The following UBR4 variants were observed in gnomAD, a reference collection of about 807,000 sequenced individuals.
UBR4 encodes the protein ubiquitin protein ligase E3 component n-recognin 4.
Under a neutral mutation model 575.6 loss-of-function variants are expected in UBR4, and 124 were observed. The ratio of observed to expected loss-of-function variants is 0.22; its 90% confidence interval spans 0.19 to 0.25. UBR4 has a LOEUF of 0.25. UBR4 is among the 10% of genes least tolerant of loss of function. The pLI is 1.00. For missense variants in UBR4, 4,818 were observed against 6,478.8 expected, an observed-to-expected ratio of 0.74 and a Z score of 8.80; for synonymous variants, 2,455 against 2,473.7, an observed-to-expected ratio of 0.99 and a Z score of 0.22.
In UBR4 at chr1:19,188,793, T is replaced by C. The variant is rs572629298; in HGVS notation, c.1395-1253A>G. On this transcript the variant is annotated intron_variant, in intron 11 of 105. Transcript: ENST00000375254. ...GACCAGCCTGGTCAACACAGCAAGA[T>C]CCCATCTCTGCAAAAAATTTTAAAA... Among the ~76,000 whole-genome samples the C allele has an allele frequency of 2.6e-5, 4 of 151,946 alleles. No individual in the cohort carries two copies. The South Asian group carries it at 8.3e-4, about 32-fold the overall frequency.
intron 8 of UBR4, among the ~76,000 whole-genome samples, chr1:19,194,130 A>G (rs2092302960): frequency 6.6e-6 from 1 of 152,198 alleles, no homozygotes; most frequent in Admixed American, 6.5e-5. Context: ...GACACTATAC[A>G]TTTGTCAAAA....
At chr1:19,181,224 T>TGGAAGGAA (rs1018934334) in intron 17 of UBR4, among the ~76,000 whole-genome samples, 1 of 151,042 alleles carries the variant, frequency 6.6e-6, no homozygotes. Context: ...GACGGACGGA[T>TGGAAGGAA]GGAAGGAAGG....
Position 19,128,454 on chromosome 1 carries a change from A to AATTC in UBR4, c.9004-140_9004-137dup, listed in dbSNP as rs2082058959. On this transcript the variant is annotated intron_variant, in intron 61 of 105. Coordinates refer to ENST00000375254, the MANE Select transcript of UBR4 (RefSeq NM_020765.3). ...AACTGTAATCCATTATAGCGTTCTA[A>AATTC]ATTCCAGGTATCCAAAGCTTCAGTG... 4 of 729,604 alleles carry AATTC rather than the reference A, an allele frequency of 5.5e-6. No homozygotes were observed. In the Admixed American group the frequency reaches 8.4e-5, roughly 15 times the overall value. The allele number at this position is 729,604 out of a possible 1,614,324, so 45.2% of individuals were successfully genotyped here.
In UBR4 at chr1:19,104,313, T is replaced by C; in HGVS notation, c.12728-56A>G. On this transcript the variant is annotated intron_variant, in intron 86 of 105. Transcript: ENST00000375254. Reference sequence around the variant, plus strand: ...GCTCTGGATGAAAACATAAGGACAGTCTGTGTCTCAAAAGATTATGAGCAA... The same window carrying C: ...GCTCTGGATGAAAACATAAGGACAGCCTGTGTCTCAAAAGATTATGAGCAA... The C allele has an allele frequency of 3.1e-6, 5 of 1,587,828 alleles. No homozygotes were observed. In the Admixed American group the frequency reaches 8.7e-5, roughly 27 times the overall value.
At chr1:19,160,406 A>G in intron 38 of UBR4, 125 bp from the exon 39 acceptor site, 1 of 918,234 alleles carries the variant, frequency 1.1e-6, no homozygotes, top group Non-Finnish European at 1.6e-6. Flanking sequence ...CCAGTTGGAT[A>G]TTCTAGCCAT....
chr1:19,104,005 TG>T, intron 87 of UBR4, 78 bp downstream of exon 87: 1 of 1,522,464 alleles, frequency 6.6e-7, no homozygotes, highest in Non-Finnish European at 8.9e-7. Context: ...TCTGTGGAAC[TG>T]GGGGAAATTG....
chr1:19,125,154 TG>T (rs1330233235), intron 64 of UBR4, among the ~76,000 whole-genome samples: 2 of 152,234 alleles, frequency 1.3e-5, no homozygotes, highest in Non-Finnish European at 2.9e-5. Flanking sequence ...CCAAGATTCC[TG>T]GCTTCATGTA....
At chr1:19,209,568 T>C (rs2093202504) in intron 1 of UBR4, among the ~76,000 whole-genome samples, 1 of 152,190 alleles carries the variant, frequency 6.6e-6, no homozygotes, top group Non-Finnish European at 1.5e-5. Context: ...ACAGTAGGAA[T>C]GCACAAGGAG....
At position 19,093,920 on chromosome 1, in the gene UBR4, T is replaced by C; in HGVS notation, c.13937+29A>G. Reference sequence around the variant, plus strand: ...TTCGGCGTTTTAGTGGAGACTCTCATTTCACTATATGAAATCAAAGTAACA... The same window carrying C: ...TTCGGCGTTTTAGTGGAGACTCTCACTTCACTATATGAAATCAAAGTAACA... On this transcript the variant is annotated intron_variant, in intron 95 of 105. Transcript: ENST00000375254. This position sits in a 1 kb window ranked among gnomAD's most constrained non-coding sequence, Gnocchi z 4.8. The C allele has an allele frequency of 6.3e-7, 1 of 1,596,488 alleles. No homozygotes were observed.
chr1:19,091,444 C>G (rs2077503233), intron 97 of UBR4, among the ~76,000 whole-genome samples: 1 of 152,050 alleles, frequency 6.6e-6, no homozygotes, highest in Non-Finnish European at 1.5e-5. Context: ...CAGAACACTA[C>G]AAACAGAAAA....
Position 19,139,049 on chromosome 1 carries a change from C to T in UBR4, c.8731+34G>A. The T allele has an allele frequency of 1.9e-6, 3 of 1,583,006 alleles. No individual in the cohort carries two copies. The highest frequency in any genetic ancestry group is 2.6e-6 in the Non-Finnish European group (3 of 1,161,428). On this transcript the variant is annotated intron_variant, in intron 59 of 105. Transcript: ENST00000375254. This position sits in a 1 kb window ranked among gnomAD's most constrained non-coding sequence, Gnocchi z 4.2. ...TTCCTGTTTTGTCCCCACCCTCTGC[C>T]CAAGGAGACAGGACCCCCGCCATGG...
At position 19,187,221 on chromosome 1, in the gene UBR4, A is replaced by G; in HGVS notation, c.1575T>C (p.Ile525=). 6.2e-7 allele frequency: 1 copy of G among 1,613,990 alleles called. No homozygotes were observed. Among genetic ancestry groups the G allele is most frequent in the Non-Finnish European group, 8.5e-7 (1 of 1,179,948 alleles). ...STSIQRIQRL[I]DSVPLMNLLL... is the part of the protein sequence containing the mutation. ...GCAGGTTCATCAGTGGGACAGAGTC[A>G]ATCAGCCGTTGAATCCTCTGTATGG... The change falls in exon 13 of 106, where the codon ATT becomes ATC. Residue 525 remains isoleucine (I), a synonymous_variant. Transcript: ENST00000375254.
intron 1 of UBR4, among the ~76,000 whole-genome samples, chr1:19,207,053 G>A (rs909323406): frequency 5.3e-5 from 8 of 152,190 alleles, no homozygotes; most frequent in African/African-American, 1.9e-4. Flanking sequence ...TATCAAAAAA[G>A]GAAGCAGAGA....
intron 20 of UBR4, among the ~76,000 whole-genome samples, 188 bp from the exon 21 acceptor site, chr1:19,175,221 C>T (rs566143002): frequency 1.3e-5 from 2 of 151,944 alleles, no homozygotes; most frequent in South Asian, 2.1e-4. Flanking sequence ...AACAGCAGCC[C>T]TGGCCTCTAC....
At chr1:19,182,596 CAAG>C (rs2091098959) in intron 17 of UBR4, among the ~76,000 whole-genome samples, 1 of 152,172 alleles carries the variant, frequency 6.6e-6, no homozygotes, top group Non-Finnish European at 1.5e-5. Flanking sequence ...AGCAATGCAT[CAAG>C]AATTCCACTT....
At chr1:19,076,589 C>A in intron 105 of UBR4, 151 bp downstream of exon 105, 1 of 1,018,040 alleles carries the variant, frequency 9.8e-7, no homozygotes, top group Non-Finnish European at 1.5e-6. Flanking sequence ...TTGCTATTTA[C>A]GCATCTTTCC....
At chr1:19,141,573 G>T (rs148610416) in intron 56 of UBR4, 49 bp from the exon 57 acceptor site, 1 of 1,598,280 alleles carries the variant, frequency 6.3e-7, no homozygotes, top group East Asian at 2.2e-5. Context: ...GGTAACTTTT[G>T]GAAGTCCACT....
chr1:19,106,071 A>C (rs1252749935), intron 83 of UBR4, among the ~76,000 whole-genome samples: 1 of 152,200 alleles, frequency 6.6e-6, no homozygotes, highest in Non-Finnish European at 1.5e-5. Context: ...CCATCAGGAG[A>C]TGTGAAGAAC....
Position 19,141,361 on chromosome 1 carries a change from T to C in UBR4, c.8474A>G (p.Gln2825Arg), listed in dbSNP as rs2083918846. 1 of 1,614,254 alleles carries C rather than the reference T, an allele frequency of 6.2e-7. No homozygotes were observed. Among genetic ancestry groups the C allele is most frequent in the African/African-American group, 1.3e-5 (1 of 75,076 alleles). ...MVELAIALSL[Q>R]QDQQGSSSSA... ...TGGCCTTCTACCTTGTTGGTCCTGCTGCAGGCTCAGGGCAATGGCTAGTTC... is the reference window on the plus strand; with the variant it reads ...TGGCCTTCTACCTTGTTGGTCCTGCCGCAGGCTCAGGGCAATGGCTAGTTC... The change falls in exon 57 of 106, where the codon CAG (glutamine) becomes CGG (arginine). Residue 2825 changes from glutamine (Q) to arginine (R), a missense_variant. This residue lies in a region of UBR4 where 129 missense variants were observed against 198.4 expected (regional missense o/e 0.65). Transcript: ENST00000375254.
Sources: gnomAD v4.1 joint callset for allele counts (sites outside exome capture counted in the v4.1 genomes callset) on GRCh38, gnomAD v4.1.1 for gene constraint, gnomAD v4.1.1 regional missense constraint, Gnocchi (gnomAD v3.1) non-coding constraint, MANE v1.5 for transcripts, NCBI Gene and HGNC (gene_info 2026-07-23, HGNC 2026-07-21) for gene names.